FAN1: variants seen among roughly 807,000 people sequenced by gnomAD.
The protein encoded by FAN1 is FANCD2 and FANCI associated nuclease 1.
In FAN1, 91 loss-of-function variants were observed where a neutral mutation model predicts 104.9. The ratio of observed to expected loss-of-function variants is 0.87; its 90% CI spans 0.73 to 1.03. FAN1 has a LOEUF of 1.03. Among genes scored for constraint, FAN1 ranks in the 50% least tolerant of loss-of-function variants. The probability of loss-of-function intolerance (pLI) is 0.00; values close to 1 mark genes in which losing one functional copy is unlikely to be tolerated. For missense variants in FAN1, 1,263 were observed against 1,239.9 expected (o/e 1.02, Z -0.28); for synonymous variants, 478 against 457.6 (o/e 1.04, Z -0.57).
intron 3 of FAN1, among the ~76,000 whole-genome samples, chr15:30,909,045 G>A (rs1023098610): frequency 6.6e-6 from 1 of 152,202 alleles, no homozygotes; most frequent in African/African-American, 2.4e-5. Context: ...ATTGCTTTAA[G>A]CCTATGTGAA....
chr15:30,920,686 C>A, intron 7 of FAN1, 33 bp downstream of exon 7: 5 of 1,281,368 alleles, frequency 3.9e-6, no homozygotes, highest in Non-Finnish European at 5.6e-6. Context: ...CCCACCATTA[C>A]TGATGTGATG....
Position 30,925,102 on chromosome 15 carries a change from G to A in FAN1, c.2173-25G>A, listed in dbSNP as rs368468524. On this transcript the variant is annotated intron_variant, in intron 8 of 14. Coordinates refer to ENST00000362065, the MANE Select transcript of FAN1 (RefSeq NM_014967.5). ...CCGCCATGGGTTTTTTTAGGAGCCT[G>A]ATGTGTGACCATGCTCTCTGCCAGA... The A allele has an allele frequency of 4.4e-4, 700 of 1,591,320 alleles. 1 individual carries two copies. The highest frequency in any genetic ancestry group is 5.7e-4 in the Non-Finnish European group (659 of 1,166,360).
chr15:30,918,447 GA>G, intron 6 of FAN1, 152 bp downstream of exon 6: 1 of 746,842 alleles, frequency 1.3e-6, no homozygotes, highest in Non-Finnish European at 2.2e-6. Flanking sequence ...TGCCTAGAAT[GA>G]AAGTGCTGTG....
At chr15:30,928,306 A>T (rs1472936926) in intron 10 of FAN1, 1 of 1,286,542 alleles carries the variant, frequency 7.8e-7, no homozygotes, top group East Asian at 3.4e-5. Flanking sequence ...TGGCTTTGAA[A>T]TGTTCATTTG....
chr15:30,928,643 G>T lies in FAN1; in HGVS notation c.2579G>T (p.Arg860Ile). The T allele has an allele frequency of 1.2e-6, 2 of 1,613,974 alleles. No homozygotes were observed. The highest frequency in any genetic ancestry group is 2.2e-5 in the South Asian group (2 of 91,062). The stretch of plus-strand genomic sequence containing the variant: ...ATGGATGGGATTCCGGATGTCTTCA[G>T]AAACGCCTGTCAGGTACTCCAGTGC... Reference protein sequence around the residue: ...IFMDGIPDVFRNACQAFPLDL... With the variant: ...IFMDGIPDVFINACQAFPLDL... Residue 860 changes from arginine to isoleucine, a missense_variant, in exon 11 of 15, where the codon AGA becomes ATA. This residue lies in a region of FAN1 where 581 missense variants were observed against 668.8 expected (regional missense o/e 0.87). Coordinates refer to ENST00000362065, the MANE Select transcript of FAN1 (RefSeq NM_014967.5).
At chr15:30,927,528 G>A (rs2062495296) in intron 10 of FAN1, 6 of 985,772 alleles carry the variant, frequency 6.1e-6, no homozygotes, top group Non-Finnish European at 6.0e-6. Context: ...CAGGCATGAC[G>A]GGCTGTGGCT....
intron 13 of FAN1, among the ~76,000 whole-genome samples, chr15:30,935,179 G>C (rs944782729): frequency 2.6e-5 from 4 of 151,944 alleles, no homozygotes; most frequent in Admixed American, 2.6e-4. Flanking sequence ...GTGGTGGTGT[G>C]CACTTGTAGT....
At chr15:30,919,888 C>T (rs1199631846) in intron 6 of FAN1, among the ~76,000 whole-genome samples, 1 of 152,008 alleles carries the variant, frequency 6.6e-6, no homozygotes, top group African/African-American at 2.4e-5. Context: ...TATAAGTGGA[C>T]GTGTGCAGTT....
chr15:30,938,842 C>T (rs902235909), intron 14 of FAN1: 2 of 917,008 alleles, frequency 2.2e-6, no homozygotes, highest in African/African-American at 3.6e-5. Context: ...CAAGCAGAAA[C>T]ATCCCATGGA....
chr15:30,934,986 T>G lies in FAN1; in HGVS notation c.2917-2133T>G, dbSNP rs148140690. Among the ~76,000 whole-genome samples the G allele has an allele frequency of 4.8e-3, 726 of 152,296 alleles. 7 individuals are homozygous for G. The highest frequency in any genetic ancestry group is 0.017 in the African/African-American group (686 of 41,558). ...GCATTTCCAGTGCTTGCTATTCTTT[T>G]GTGTAGATCCAGGTTTCTGTGTAGT... On this transcript the variant is annotated intron_variant, in intron 13 of 14. Coordinates refer to ENST00000362065, the MANE Select transcript of FAN1 (RefSeq NM_014967.5).
intron 11 of FAN1, 44 bp from the exon 12 acceptor site, chr15:30,929,157 GCT>G: frequency 1.9e-6 from 3 of 1,566,338 alleles, no homozygotes; most frequent in Non-Finnish European, 2.6e-6. Flanking sequence ...GGTGAACACG[GCT>G]CTCTGCAGGC....
rs2063102538 is a variant in FAN1 at position 30,942,955 on chromosome 15, A to AG, written c.*1397dup. ...CAAGGTGTGCTCTTTCCAATGTAGA[A>AG]GGGGTTATGGAAAAGGGTGCGATCC... On this transcript the variant is annotated 3_prime_UTR_variant, in exon 15 of 15. Transcript: ENST00000362065. The AG allele has an allele frequency of 6.4e-7, 1 of 1,562,622 alleles. No homozygotes were observed. The highest frequency in any genetic ancestry group is 8.7e-7 in the Non-Finnish European group (1 of 1,151,494).
At chr15:30,920,242 C>T (rs1227573646) in intron 6 of FAN1, among the ~76,000 whole-genome samples, 1 of 152,078 alleles carries the variant, frequency 6.6e-6, no homozygotes, top group Non-Finnish European at 1.5e-5. Context: ...ACATAAAAAC[C>T]ATTCTTAGTT....
chr15:30,918,248 G>C lies in FAN1; in HGVS notation c.1896G>C (p.Gln632His). The C allele has an allele frequency of 1.2e-6, 2 of 1,614,166 alleles. No individual in the cohort carries two copies. The highest frequency in any genetic ancestry group is 1.7e-6 in the Non-Finnish European group (2 of 1,180,024). Residue 632 changes from glutamine (Q) to histidine (H), a missense_variant, in exon 6 of 15, where the codon CAG (glutamine) becomes CAC (histidine). Physicochemically the swap from Gln to His is conservative, Grantham distance 24. Around this residue, in one of 2 missense-constraint regions of FAN1, gnomAD observed 581 missense variants for 668.8 expected, o/e 0.87. Coordinates refer to ENST00000362065, the MANE Select transcript of FAN1 (RefSeq NM_014967.5). ...GGGAAGAAGCTAAGGAGCTCGCTCA[G>C]TGTGCAAAAAGGGATTGGAACAGAC... ...GNWEEAKELA[Q>H]CAKRDWNRLK...
rs1296378874 is a variant in FAN1, at chr15:30,942,853, T to G, written c.*1291T>G. 1 of 1,529,238 alleles carries G rather than the reference T, an allele frequency of 6.5e-7. No individual in the cohort carries two copies. The highest frequency in any genetic ancestry group is 2.0e-5 in the Admixed American group (1 of 49,350). 94.7% of individuals were successfully genotyped at this position (1,529,238 alleles called of 1,614,324 possible). A position where few individuals can be genotyped will look rare whatever the true frequency, so the allele number is the denominator to read the frequency against. ...TCTGAAAAAGAGGTGTTTGGTTACG[T>G]GTGAGCCAACATCACGTTTTGTTAG... On this transcript the variant is annotated 3_prime_UTR_variant, in exon 15 of 15. Coordinates refer to ENST00000362065, the MANE Select transcript of FAN1 (RefSeq NM_014967.5).
intron 13 of FAN1, among the ~76,000 whole-genome samples, chr15:30,932,600 A>G (rs1048097497): frequency 2.6e-5 from 4 of 152,086 alleles, no homozygotes; most frequent in African/African-American, 9.7e-5. Flanking sequence ...TAAACAACAT[A>G]AGGCTGTTCA....
intron 14 of FAN1, chr15:30,940,358 G>C: frequency 1.0e-6 from 1 of 985,420 alleles, no homozygotes; most frequent in Non-Finnish European, 1.2e-6. Flanking sequence ...GTTGGGGGCT[G>C]GGGGAGCACT....
At chr15:30,919,980 A>G (rs1241741354) in intron 6 of FAN1, among the ~76,000 whole-genome samples, 2 of 152,246 alleles carry the variant, frequency 1.3e-5, no homozygotes, top group Non-Finnish European at 2.9e-5. Context: ...TTAGATTACT[A>G]TAAACAGAGG....
At chr15:30,923,193 G>T (rs2062376174) in intron 8 of FAN1, among the ~76,000 whole-genome samples, 1 of 152,198 alleles carries the variant, frequency 6.6e-6, no homozygotes, top group South Asian at 2.1e-4. Flanking sequence ...CTGAAAAAGT[G>T]CCTTGTTACC....
Sources: gnomAD v4.1 joint callset for allele counts (sites outside exome capture counted in the v4.1 genomes callset) on GRCh38, gnomAD v4.1.1 for gene constraint, gnomAD v4.1.1 regional missense constraint, MANE v1.5 for transcripts, NCBI Gene and HGNC (gene_info 2026-07-23, HGNC 2026-07-21) for gene names.